SAMD12: variants seen among roughly 807,000 people sequenced by gnomAD.
The protein encoded by SAMD12 is sterile alpha motif domain containing 12, also known as sterile alpha motif domain-containing protein 12.
SAMD12 carries 9 observed loss-of-function variants against 15.0 expected under a neutral mutation model. The observed-to-expected ratio is 0.60, with a 90% CI of 0.36 to 1.05. SAMD12 has a LOEUF of 1.05. Ranked by LOEUF, SAMD12 falls within the 50% of genes least tolerant of loss-of-function variation. SAMD12 has a pLI of 0.01. For synonymous variants in SAMD12, 86 were observed against 90.1 expected, an observed-to-expected ratio of 0.96 and a Z score of 0.25; for missense variants, 230 against 234.2, an observed-to-expected ratio of 0.98 and a Z score of 0.12.
At chr8:118,165,812 G>A in the SAMD12 span, among the ~76,000 whole-genome samples, 4 of 151,730 alleles carry the variant, frequency 2.6e-5, no homozygotes, top group East Asian at 5.8e-4. Flanking sequence ...GATCTGACAC[G>A]TGATAATAAA....
intron 2 of SAMD12, among the ~76,000 whole-genome samples, chr8:118,554,097 A>T (rs1334295025): frequency 6.6e-6 from 1 of 151,522 alleles, no homozygotes. Context: ...ACTGTAAACT[A>T]GTTCAACCAT....
At chr8:118,244,232 CTTG>C (rs1194908227) in intron 4 of SAMD12, among the ~76,000 whole-genome samples, 2 of 152,108 alleles carry the variant, frequency 1.3e-5, no homozygotes, top group Non-Finnish European at 1.5e-5. Flanking sequence ...GATGGGTATT[CTTG>C]TTATCAATAT....
chr8:118,221,896 C>T (rs1294445691), intron 4 of SAMD12, among the ~76,000 whole-genome samples: 4 of 152,186 alleles, frequency 2.6e-5, no homozygotes, highest in African/African-American at 7.2e-5. Context: ...ATCCATGTTT[C>T]GCTTTTTGCT....
At chr8:118,364,563 C>T (rs1320920310) in intron 4 of SAMD12, among the ~76,000 whole-genome samples, 1 of 152,152 alleles carries the variant, frequency 6.6e-6, no homozygotes, top group Non-Finnish European at 1.5e-5. Context: ...GGCTCTGAAT[C>T]TGCATAGAGC....
rs1819504365 is a variant in SAMD12, at chr8:118,378,584, A to G, written c.*833T>C. ...ACTAGGTTAATCTAAATGCAATAAC[A>G]TGAAACTTGGCTGACCCAGATTTCT... On this transcript the variant is annotated 3_prime_UTR_variant, in exon 4 of 4. Transcript: ENST00000314727. 1 of 985,252 alleles carries G rather than the reference A, an allele frequency of 1.0e-6. No individual in the cohort carries two copies. Among genetic ancestry groups the G allele is most frequent in the Non-Finnish European group, 1.2e-6 (1 of 829,874 alleles). 61.0% of individuals were successfully genotyped at this position (985,252 alleles called of 1,614,324 possible). A position where few individuals can be genotyped will look rare whatever the true frequency, so the allele number is the denominator to read the frequency against.
chr8:118,378,387 A>T lies in SAMD12; in HGVS notation c.*1030T>A. ...CTATCAGTATTTCACATTCAAATTT[A>T]AATCACTTAGTATACCAGTAAATTC... On this transcript the variant is annotated 3_prime_UTR_variant, in exon 4 of 4. Coordinates refer to ENST00000314727, the MANE Select transcript of SAMD12 (RefSeq NM_207506.3). 1 of 959,456 alleles carries T rather than the reference A, an allele frequency of 1.0e-6. No homozygotes were observed. The highest frequency in any genetic ancestry group is 1.2e-6 in the Non-Finnish European group (1 of 806,342). 59.4% of individuals were successfully genotyped at this position (959,456 alleles called of 1,614,324 possible).
At chr8:118,327,047 C>T (rs1230302550) in intron 4 of SAMD12, among the ~76,000 whole-genome samples, 4 of 152,206 alleles carry the variant, frequency 2.6e-5, no homozygotes, top group Admixed American at 2.0e-4. Flanking sequence ...CACAGATGCA[C>T]TACTACGTCA....
At chr8:118,344,568 A>G (rs575505410) in intron 4 of SAMD12, among the ~76,000 whole-genome samples, 4 of 152,308 alleles carry the variant, frequency 2.6e-5, no homozygotes, top group African/African-American at 9.6e-5. Context: ...ATTGTTTCCT[A>G]TTGATCATTC....
intron 4 of SAMD12, among the ~76,000 whole-genome samples, chr8:118,241,256 TTCTA>T (rs1159050246): frequency 1.1e-4 from 16 of 152,260 alleles, no homozygotes; most frequent in Non-Finnish European, 4.4e-5. Context: ...CAATGGTTCA[TTCTA>T]TCTGTGTAAT....
intron 2 of SAMD12, among the ~76,000 whole-genome samples, chr8:118,536,162 C>T (rs1825835154): frequency 6.6e-6 from 1 of 152,096 alleles, no homozygotes; most frequent in Non-Finnish European, 1.5e-5. Context: ...TCCTGGTAAC[C>T]ATGCTAATTT....
chr8:118,229,004 G>A (rs1326778020), intron 4 of SAMD12, among the ~76,000 whole-genome samples: 1 of 152,100 alleles, frequency 6.6e-6, no homozygotes, highest in Non-Finnish European at 1.5e-5. Context: ...GAATGAGACT[G>A]GAGACTATTA....
intron 4 of SAMD12, among the ~76,000 whole-genome samples, chr8:118,234,917 A>C (rs368601202): frequency 6.6e-6 from 1 of 152,258 alleles, no homozygotes; most frequent in East Asian, 1.9e-4. Flanking sequence ...TAGAAGCAGA[A>C]TTGATTTTTA....
chr8:118,463,808 G>T (rs1823507062), intron 2 of SAMD12, among the ~76,000 whole-genome samples: 4 of 151,902 alleles, frequency 2.6e-5, no homozygotes, highest in Admixed American at 2.6e-4. Context: ...GGATCAGACG[G>T]CCTTCAGCAC....
At chr8:118,603,405 G>GA (rs1235471816) in intron 1 of SAMD12, among the ~76,000 whole-genome samples, 1 of 151,986 alleles carries the variant, frequency 6.6e-6, no homozygotes, top group South Asian at 2.1e-4. Context: ...ATACAAAGGA[G>GA]AAAAAATCAG....
At chr8:118,596,936 C>T (rs1397915506) in intron 1 of SAMD12, among the ~76,000 whole-genome samples, 1 of 152,148 alleles carries the variant, frequency 6.6e-6, no homozygotes, top group Non-Finnish European at 1.5e-5. Context: ...GTTTGGGAGA[C>T]AGGAAACCCC....
chr8:118,293,720 A>G (rs1396222798), intron 4 of SAMD12, among the ~76,000 whole-genome samples: 4 of 152,170 alleles, frequency 2.6e-5, no homozygotes, highest in African/African-American at 9.7e-5. Flanking sequence ...CAGGCAGGTC[A>G]TAGTTCTCAA....
rs533715963 is a variant in SAMD12 at position 118,361,700 on chromosome 8, C to T, written c.433+17860G>A. Among the ~76,000 whole-genome samples the T allele has an allele frequency of 2.6e-5, 4 of 152,212 alleles. No individual in the cohort carries two copies. The East Asian group carries it at 5.8e-4, about 22-fold the overall frequency. Reference sequence around the variant, plus strand: ...ACGCACGTGTGTGCAACAACATAACCAAATATGTATATTTATATGCACCTA... The same window carrying T: ...ACGCACGTGTGTGCAACAACATAACTAAATATGTATATTTATATGCACCTA... On this transcript the variant is annotated intron_variant, in intron 4 of 4. Transcript: ENST00000409003.
chr8:118,209,457 TGTGTGGGCAGAGCCTCAAA>T (rs1226698096), intron 4 of SAMD12, among the ~76,000 whole-genome samples: 1 of 152,236 alleles, frequency 6.6e-6, no homozygotes, highest in Non-Finnish European at 1.5e-5. Flanking sequence ...ATAATTTCTC[TGTGTGGGCAGAGCCTCAAA>T]GCACGTTGCT....
At chr8:118,478,899 T>TTTACTTGA (rs1290716903) in intron 2 of SAMD12, among the ~76,000 whole-genome samples, 1 of 152,200 alleles carries the variant, frequency 6.6e-6, no homozygotes, top group Non-Finnish European at 1.5e-5. Context: ...AATGAAAATA[T>TTTACTTGA]GTCATAATTA....
Sources: allele counts gnomAD v4.1 joint callset (sites outside exome capture counted in the v4.1 genomes callset), GRCh38; gene constraint gnomAD v4.1.1; transcripts MANE v1.5; gene names NCBI Gene and HGNC (gene_info 2026-07-23, HGNC 2026-07-21).